Variants in CSMD1 observed in about 807,000 individuals in gnomAD.
CSMD1 encodes the protein CUB and Sushi multiple domains 1.
CSMD1 carries 213 observed loss-of-function variants against 417.5 expected under a neutral mutation model. The observed-to-expected ratio is 0.51, with a 90% CI of 0.46 to 0.57. The LOEUF (loss-of-function observed/expected upper bound fraction) is 0.57, where lower values mean the gene tolerates loss of function less well. CSMD1 is among the 20% of genes least tolerant of loss of function. CSMD1 has a pLI of 0.00. For synonymous variants in CSMD1, 2,862 were observed against 1,736.8 expected, an observed-to-expected ratio of 1.65 and a Z score of -16.11; for missense variants, 6,923 against 4,529.7, an observed-to-expected ratio of 1.53 and a Z score of -15.17.
At chr8:4,456,382 T>C (rs770979665) in intron 2 of CSMD1, among the ~76,000 whole-genome samples, 63 of 152,282 alleles carry the variant, frequency 4.1e-4, no homozygotes, top group Non-Finnish European at 5.1e-4. Flanking sequence ...ACTAATCAAA[T>C]AGCTAGGTAT....
At position 3,244,910 on chromosome 8, in the gene CSMD1, G is replaced by T. The variant is rs80238278; in HGVS notation, c.4154-14679C>A. Among the ~76,000 whole-genome samples, 855 of 152,256 alleles carry T rather than the reference G, an allele frequency of 5.6e-3. 9 individuals are homozygous for T. The highest frequency in any genetic ancestry group is 0.019 in the African/African-American group (801 of 41,542). On this transcript the variant is annotated intron_variant, in intron 26 of 69. Coordinates refer to ENST00000635120, the MANE Select transcript of CSMD1 (RefSeq NM_033225.6). ...CAGCCCAGTCCTCCACCCCAAGGGC[G>T]CTGAGAAGTAAAACTGACTCCCTTC...
chr8:3,477,582 C>T (rs1428540357), intron 11 of CSMD1, among the ~76,000 whole-genome samples: 1 of 152,138 alleles, frequency 6.6e-6, no homozygotes, highest in Non-Finnish European at 1.5e-5. Context: ...AGTAAAATAC[C>T]AGTAATGAGT....
intron 3 of CSMD1, among the ~76,000 whole-genome samples, chr8:4,269,310 C>T (rs1007960427): frequency 1.3e-5 from 2 of 152,110 alleles, no homozygotes; most frequent in African/African-American, 4.8e-5. Context: ...GTGATCCACC[C>T]GCACTGGCCT....
intron 3 of CSMD1, among the ~76,000 whole-genome samples, chr8:4,199,925 G>C (rs550979840): frequency 6.6e-6 from 1 of 152,022 alleles, no homozygotes; most frequent in Non-Finnish European, 1.5e-5. Context: ...GGTGAAGTAC[G>C]GTTACAAGGA....
chr8:3,663,073 C>CA (rs531418388), intron 7 of CSMD1, among the ~76,000 whole-genome samples: 48 of 152,182 alleles, frequency 3.2e-4, no homozygotes, highest in African/African-American at 1.1e-3. Context: ...CAGATGTCAG[C>CA]AAAATCAGAG....
intron 4 of CSMD1, among the ~76,000 whole-genome samples, chr8:4,024,866 G>C (rs1279366052): frequency 6.6e-6 from 1 of 152,174 alleles, no homozygotes; most frequent in Non-Finnish European, 1.5e-5. Flanking sequence ...GTTTTCTTAA[G>C]TAAGGTTTGC....
At chr8:3,116,621 T>G (rs1446695358) in intron 42 of CSMD1, among the ~76,000 whole-genome samples, 1 of 152,212 alleles carries the variant, frequency 6.6e-6, no homozygotes, top group Non-Finnish European at 1.5e-5. Flanking sequence ...AGGCATCACT[T>G]TAAATTCTAT....
At chr8:4,911,824 C>T (rs919471803) in intron 1 of CSMD1, among the ~76,000 whole-genome samples, 3 of 152,062 alleles carry the variant, frequency 2.0e-5, no homozygotes, top group Non-Finnish European at 2.9e-5. Flanking sequence ...TTAAACTTCA[C>T]GGTGTTTTCT....
chr8:3,739,011 T>C lies in CSMD1; in HGVS notation c.931+14919A>G, dbSNP rs140841712. Among the ~76,000 whole-genome samples the C allele has an allele frequency of 1.2e-3, 188 of 152,374 alleles. 1 individual carries two copies. Among genetic ancestry groups the C allele is most frequent in the African/African-American group, 4.2e-3 (176 of 41,594 alleles). On this transcript the variant is annotated intron_variant, in intron 6 of 69. Coordinates refer to ENST00000635120, the MANE Select transcript of CSMD1 (RefSeq NM_033225.6). ...CTATTCAGAGATATATATTGTTATA[T>C]TGTAACTATGTCTTTCTTTTTTCTG... is the stretch of plus-strand genomic sequence containing the variant.
At chr8:3,697,337 T>C (rs1311475440) in intron 7 of CSMD1, among the ~76,000 whole-genome samples, 2 of 152,202 alleles carry the variant, frequency 1.3e-5, no homozygotes, top group East Asian at 3.8e-4. Context: ...GTGTTTTAAA[T>C]AAAACCAGGC....
intron 10 of CSMD1, among the ~76,000 whole-genome samples, chr8:3,545,498 T>G (rs1443480642): frequency 6.6e-6 from 1 of 152,174 alleles, no homozygotes; most frequent in Non-Finnish European, 1.5e-5. Context: ...TTTGAAGAGG[T>G]GAGTGATAAA....
chr8:3,411,049 A>G (rs1010192561), intron 12 of CSMD1, among the ~76,000 whole-genome samples: 3 of 152,084 alleles, frequency 2.0e-5, no homozygotes. Context: ...GGTGGTTTGG[A>G]GCAGAAGGGA....
At chr8:3,738,063 T>C (rs915665180) in intron 6 of CSMD1, among the ~76,000 whole-genome samples, 2 of 152,230 alleles carry the variant, frequency 1.3e-5, no homozygotes, top group Non-Finnish European at 1.5e-5. Context: ...CAAACACTAA[T>C]GTAAATGATT....
chr8:3,966,781 A>G (rs549548621), intron 5 of CSMD1, among the ~76,000 whole-genome samples: 1 of 152,038 alleles, frequency 6.6e-6, no homozygotes, highest in East Asian at 1.9e-4. Context: ...ACACTGATTT[A>G]TAGGTCTTAG....
chr8:3,765,045 G>A (rs753549293), intron 5 of CSMD1, among the ~76,000 whole-genome samples: 1 of 152,078 alleles, frequency 6.6e-6, no homozygotes, highest in African/African-American at 2.4e-5. Flanking sequence ...ATTCCTGGCT[G>A]CACTGCCCTT....
intron 5 of CSMD1, among the ~76,000 whole-genome samples, chr8:3,892,568 C>G (rs1355841577): frequency 6.6e-6 from 1 of 151,322 alleles, no homozygotes; most frequent in African/African-American, 2.4e-5. Context: ...TAAGATTACT[C>G]TAAGTAAAAC....
At chr8:4,079,873 T>A (rs145484249) in intron 3 of CSMD1, among the ~76,000 whole-genome samples, 1 of 152,134 alleles carries the variant, frequency 6.6e-6, no homozygotes, top group Non-Finnish European at 1.5e-5. Context: ...TTGAATACCA[T>A]CTTCATAGGC....
intron 3 of CSMD1, among the ~76,000 whole-genome samples, chr8:4,086,852 C>A (rs780377415): frequency 2.6e-5 from 4 of 152,152 alleles, no homozygotes; most frequent in Non-Finnish European, 5.9e-5. Context: ...AATTTCATCA[C>A]GTTTCTGGTA....
At chr8:4,691,733 A>G (rs1332405973) in intron 1 of CSMD1, among the ~76,000 whole-genome samples, 1 of 152,202 alleles carries the variant, frequency 6.6e-6, no homozygotes, top group Non-Finnish European at 1.5e-5. Flanking sequence ...CAGGTACACT[A>G]CATTGGGAAT....
Sources: gnomAD v4.1 joint callset for allele counts (sites outside exome capture counted in the v4.1 genomes callset) on GRCh38, gnomAD v4.1.1 for gene constraint, MANE v1.5 for transcripts, NCBI Gene and HGNC (gene_info 2026-07-23, HGNC 2026-07-21) for gene names.